The following DIP2C variants were observed in gnomAD, a reference collection of about 807,000 sequenced individuals.
DIP2C encodes the protein disco-interacting protein 2 homolog C.
DIP2C carries 33 observed loss-of-function variants against 192.4 expected under a neutral mutation model. The observed-to-expected ratio is 0.17, with a 90% CI of 0.13 to 0.23. The LOEUF is 0.23. Ranked by LOEUF, DIP2C falls within the 10% of genes least tolerant of loss-of-function variation. The pLI, the probability that DIP2C is intolerant of heterozygous loss-of-function variation, is 1.00. For missense variants in DIP2C, 1,537 were observed against 2,110.1 expected (o/e 0.73, Z 5.32); for synonymous variants, 979 against 864.1 (o/e 1.13, Z -2.33).
At chr10:610,333 G>A (rs961855126) in intron 1 of DIP2C, among the ~76,000 whole-genome samples, 37 of 152,210 alleles carry the variant, frequency 2.4e-4, no homozygotes, top group African/African-American at 7.5e-4. Context: ...AGGCTGGTAA[G>A]GGGCACAAAC....
chr10:432,544 T>C (rs1732386351), intron 4 of DIP2C, among the ~76,000 whole-genome samples: 1 of 152,246 alleles, frequency 6.6e-6, no homozygotes, highest in African/African-American at 2.4e-5. Flanking sequence ...TCATTTCTGA[T>C]ATTGGTAATT....
intron 32 of DIP2C, among the ~76,000 whole-genome samples, chr10:305,052 GCA>G (rs1267099278): frequency 7.3e-5 from 11 of 151,662 alleles, no homozygotes; most frequent in African/African-American, 9.7e-5. Context: ...TATACTTGCA[GCA>G]CACACTACAC....
At chr10:593,177 C>T (rs1380072235) in intron 1 of DIP2C, among the ~76,000 whole-genome samples, 1 of 152,046 alleles carries the variant, frequency 6.6e-6, no homozygotes, top group African/African-American at 2.4e-5. Context: ...CAGGACCAAC[C>T]CCAGGACACT....
intron 32 of DIP2C, among the ~76,000 whole-genome samples, chr10:299,810 T>C (rs928105902): frequency 4.7e-4 from 72 of 151,908 alleles, no homozygotes; most frequent in Admixed American, 3.7e-3. Flanking sequence ...AAAAACTAAA[T>C]GCAAACCAAA....
At chr10:638,239 T>G (rs918119149) in intron 1 of DIP2C, among the ~76,000 whole-genome samples, 1 of 152,234 alleles carries the variant, frequency 6.6e-6, no homozygotes, top group Admixed American at 6.5e-5. Context: ...GTGGAAGTAA[T>G]TCCTTAAAAA....
At chr10:579,204 G>A (rs906674153) in intron 1 of DIP2C, among the ~76,000 whole-genome samples, 4 of 152,078 alleles carry the variant, frequency 2.6e-5, no homozygotes, top group East Asian at 3.9e-4. Context: ...CATGCATAGA[G>A]CATACACACA....
chr10:562,620 C>G (rs539104191), intron 1 of DIP2C, among the ~76,000 whole-genome samples: 1 of 152,362 alleles, frequency 6.6e-6, no homozygotes, highest in South Asian at 2.1e-4. Context: ...CTACTTTAAA[C>G]ATTACGTGTT....
intron 1 of DIP2C, among the ~76,000 whole-genome samples, chr10:551,984 C>CAT (rs1848616161): frequency 6.6e-6 from 1 of 152,240 alleles, no homozygotes; most frequent in Admixed American, 6.5e-5. Flanking sequence ...AGAACAGCCA[C>CAT]ATGCAGGCAT....
At chr10:655,885 T>C (rs1280529655) in intron 1 of DIP2C, among the ~76,000 whole-genome samples, 3 of 150,494 alleles carry the variant, frequency 2.0e-5, no homozygotes, top group East Asian at 1.9e-4. Context: ...TGTTACCCTA[T>C]AGAACACTCT....
intron 6 of DIP2C, 137 bp from the exon 7 acceptor site, chr10:416,025 C>A: frequency 7.5e-7 from 1 of 1,340,676 alleles, no homozygotes; most frequent in South Asian, 1.4e-5. Context: ...GGGAAGGGCC[C>A]GAGGTGATCA....
At chr10:509,752 G>A (rs1227249039) in intron 1 of DIP2C, among the ~76,000 whole-genome samples, 1 of 152,138 alleles carries the variant, frequency 6.6e-6, no homozygotes, top group African/African-American at 2.4e-5. Context: ...CTCCCATCCT[G>A]GAGAGCAGCT....
At position 366,430 on chromosome 10, in the gene DIP2C, G is replaced by C. The variant is rs753833302; in HGVS notation, c.2132-19C>G. 3 of 1,613,938 alleles carry C rather than the reference G, an allele frequency of 1.9e-6. No homozygotes were observed. The highest frequency in any genetic ancestry group is 2.5e-6 in the Non-Finnish European group (3 of 1,180,028). ...ATGATGGCTAAAAGCAAACAGGAAA[G>C]CACATGCAGTGTGAGAGGGGGCAGG... is the stretch of plus-strand genomic sequence containing the variant. On this transcript the variant is annotated intron_variant, in intron 18 of 36. Transcript: ENST00000280886.
At chr10:332,108 G>T (rs1444667750) in intron 29 of DIP2C, among the ~76,000 whole-genome samples, 2 of 152,200 alleles carry the variant, frequency 1.3e-5, no homozygotes, top group East Asian at 3.9e-4. Context: ...ATACCACCAT[G>T]ACTGGCTAAC....
chr10:487,580 T>G lies in DIP2C; in HGVS notation c.86-1050A>C, dbSNP rs1031895896. 6.0e-5 allele frequency among the ~76,000 whole-genome samples: 8 copies of G among 133,646 alleles called. No homozygotes were observed. The East Asian group carries it at 1.1e-3, about 19-fold the overall frequency. The allele number at this position is 133,646 out of a possible 152,430, so 87.7% of individuals were successfully genotyped here. A position where few individuals can be genotyped will look rare whatever the true frequency, so the allele number is the denominator to read the frequency against. ...CCATCAATGAGTGTTTTTTTTTTTT[T>G]TTTTTTTTTTTTTTTTTGAGACAGT... On this transcript the variant is annotated intron_variant, in intron 1 of 36. Coordinates refer to ENST00000280886, the MANE Select transcript of DIP2C (RefSeq NM_014974.3).
chr10:563,841 AAT>A (rs1224254960), intron 1 of DIP2C, among the ~76,000 whole-genome samples: 1 of 152,248 alleles, frequency 6.6e-6, no homozygotes, highest in African/African-American at 2.4e-5. Flanking sequence ...GGGCTATACC[AAT>A]AGTCAATTAA....
At chr10:492,488 A>T (rs1429688657) in intron 1 of DIP2C, among the ~76,000 whole-genome samples, 2 of 152,218 alleles carry the variant, frequency 1.3e-5, no homozygotes, top group Non-Finnish European at 2.9e-5. Flanking sequence ...GGTAAACATA[A>T]AGCCTGCACT....
chr10:344,693 C>T, intron 28 of DIP2C, 116 bp downstream of exon 28: 1 of 827,580 alleles, frequency 1.2e-6, no homozygotes, highest in Non-Finnish European at 2.0e-6. Context: ...ATGTATACCT[C>T]TTTCCACATC....
chr10:377,948 T>A (rs1372731284), intron 17 of DIP2C, among the ~76,000 whole-genome samples: 2 of 152,206 alleles, frequency 1.3e-5, no homozygotes, highest in African/African-American at 4.8e-5. Flanking sequence ...TGTTTTTCAG[T>A]TCAATAAACA....
At chr10:344,491 A>G (rs979944767) in intron 28 of DIP2C, among the ~76,000 whole-genome samples, 3 of 152,174 alleles carry the variant, frequency 2.0e-5, no homozygotes, top group Non-Finnish European at 4.4e-5. Context: ...AAAACGCTAG[A>G]AAGTGCAGTG....
Sources: gnomAD v4.1 joint callset for allele counts (sites outside exome capture counted in the v4.1 genomes callset) on GRCh38, gnomAD v4.1.1 for gene constraint, MANE v1.5 for transcripts, NCBI Gene and HGNC (gene_info 2026-07-23, HGNC 2026-07-21) for gene names.